Variants in BANK1 observed in about 807,000 individuals in gnomAD.
The protein encoded by BANK1 is B cell scaffold protein with ankyrin repeats 1.
Under a neutral mutation model 94.5 loss-of-function variants are expected in BANK1, and 95 were observed. The ratio of observed to expected loss-of-function variants is 1.00; its 90% CI spans 0.85 to 1.19. BANK1 has a LOEUF of 1.19. BANK1 is among the 50% of genes most tolerant of loss of function. BANK1 has a pLI of 0.00. For missense variants in BANK1, 987 were observed against 932.2 expected, an observed-to-expected ratio of 1.06 and a Z score of -0.77; for synonymous variants, 334 against 308.4, an observed-to-expected ratio of 1.08 and a Z score of -0.87.
intron 7 of BANK1, among the ~76,000 whole-genome samples, chr4:102,007,986 A>G (rs977871001): frequency 1.3e-5 from 2 of 152,212 alleles, no homozygotes; most frequent in African/African-American, 4.8e-5. Context: ...ATTTTCATTT[A>G]TAGAGTAGAA....
intron 1 of BANK1, among the ~76,000 whole-genome samples, chr4:101,816,912 A>G (rs1319146646): frequency 6.6e-6 from 1 of 152,182 alleles, no homozygotes; most frequent in Non-Finnish European, 1.5e-5. Flanking sequence ...AAAGGAGTCA[A>G]CGGAAGAATA....
intron 10 of BANK1, among the ~76,000 whole-genome samples, chr4:102,042,411 A>G (rs1229392868): frequency 6.6e-6 from 1 of 152,012 alleles, no homozygotes; most frequent in African/African-American, 2.4e-5. Context: ...TTATGTGTAT[A>G]CTTTTTCTCA....
intron 1 of BANK1, 34 bp from the exon 2 acceptor site, chr4:101,829,774 T>G: frequency 7.2e-7 from 1 of 1,388,526 alleles, no homozygotes; most frequent in Non-Finnish European, 9.7e-7. Context: ...CTGATAGCAT[T>G]GCAAATATAA....
chr4:101,948,970 A>G (rs904488109), intron 7 of BANK1, among the ~76,000 whole-genome samples: 1 of 152,020 alleles, frequency 6.6e-6, no homozygotes, highest in African/African-American at 2.4e-5. Context: ...ACCTTAAAAT[A>G]TTGTTTATTC....
chr4:102,002,056 G>T (rs1726096406), intron 7 of BANK1, among the ~76,000 whole-genome samples: 1 of 152,136 alleles, frequency 6.6e-6, no homozygotes, highest in African/African-American at 2.4e-5. Flanking sequence ...CATGTTTTTG[G>T]CTTCATGCCA....
chr4:101,979,807 G>T (rs1012033047), intron 7 of BANK1, among the ~76,000 whole-genome samples: 1 of 151,824 alleles, frequency 6.6e-6, no homozygotes, highest in African/African-American at 2.4e-5. Flanking sequence ...AATTAATGAA[G>T]ATTAGTGCCC....
intron 11 of BANK1, among the ~76,000 whole-genome samples, chr4:102,052,904 A>G (rs10516490): frequency 0.3 from 45,838 of 152,126 alleles, 8,037 homozygotes; most frequent in South Asian, 0.44. Flanking sequence ...TGTGAAAGAC[A>G]TTTTAGATGA....
chr4:101,868,802 C>T (rs1036496345), intron 4 of BANK1, among the ~76,000 whole-genome samples: 1 of 151,786 alleles, frequency 6.6e-6, no homozygotes, highest in Non-Finnish European at 1.5e-5. Context: ...CTGAGGGGGC[C>T]TTCCAACCAG....
At chr4:102,022,433 G>A (rs1474226274) in intron 8 of BANK1, among the ~76,000 whole-genome samples, 3 of 152,022 alleles carry the variant, frequency 2.0e-5, no homozygotes, top group Non-Finnish European at 4.4e-5. Flanking sequence ...CCAGCATTCA[G>A]CCATTTCTCT....
intron 1 of BANK1, among the ~76,000 whole-genome samples, chr4:101,807,953 C>T (rs1396833619): frequency 3.3e-5 from 5 of 151,668 alleles, no homozygotes; most frequent in East Asian, 1.9e-4. Context: ...GCTGTGGTGG[C>T]GCACACCTGT....
At position 101,917,955 on chromosome 4, in the gene BANK1, A is replaced by T. The variant is rs745384136; in HGVS notation, c.1010-38A>T. 5 of 1,445,612 alleles carry T rather than the reference A, an allele frequency of 3.5e-6. No homozygotes were observed. The South Asian group carries it at 6.7e-5, about 19-fold the overall frequency. 89.5% of individuals were successfully genotyped at this position (1,445,612 alleles called of 1,614,324 possible). A position where few individuals can be genotyped will look rare whatever the true frequency, so the allele number is the denominator to read the frequency against. ...ACCTTTTAATGAGATTGCCAATAAA[A>T]TGAAAACATTAAATCCTACTACTTC... On this transcript the variant is annotated intron_variant, in intron 6 of 16. Transcript: ENST00000322953.
intron 7 of BANK1, among the ~76,000 whole-genome samples, chr4:101,988,061 A>G (rs905433261): frequency 1.8e-4 from 28 of 152,220 alleles, no homozygotes; most frequent in African/African-American, 5.8e-4. Context: ...TGAGCAAGGA[A>G]TAAATACTTC....
At chr4:101,846,199 G>C (rs1727237160) in intron 2 of BANK1, among the ~76,000 whole-genome samples, 1 of 152,130 alleles carries the variant, frequency 6.6e-6, no homozygotes, top group Non-Finnish European at 1.5e-5. Flanking sequence ...TGATAGACTG[G>C]ATTAAGAAAA....
At chr4:101,940,750 T>TATCAC (rs1723714722) in intron 7 of BANK1, among the ~76,000 whole-genome samples, 1 of 151,796 alleles carries the variant, frequency 6.6e-6, no homozygotes, top group African/African-American at 2.4e-5. Context: ...GGACCATTCT[T>TATCAC]ATCACATCAC....
intron 7 of BANK1, among the ~76,000 whole-genome samples, chr4:101,955,173 A>T (rs1366309158): frequency 6.6e-6 from 1 of 152,140 alleles, no homozygotes; most frequent in Non-Finnish European, 1.5e-5. Context: ...AGCACATTAG[A>T]CCAAGCGAGC....
chr4:101,796,479 C>A (rs1725160248), intron 1 of BANK1, among the ~76,000 whole-genome samples: 1 of 152,136 alleles, frequency 6.6e-6, no homozygotes, highest in Non-Finnish European at 1.5e-5. Context: ...GAAATCTGTT[C>A]CTTTCATGCA....
intron 7 of BANK1, among the ~76,000 whole-genome samples, chr4:102,018,291 A>G (rs963097622): frequency 2.6e-5 from 4 of 152,228 alleles, no homozygotes; most frequent in African/African-American, 9.6e-5. Context: ...CTCTTCAAAC[A>G]TATATTTGTC....
intron 7 of BANK1, chr4:101,972,688 T>C (rs754554152): frequency 2.6e-5 from 4 of 152,094 alleles, no homozygotes; most frequent in Non-Finnish European, 5.9e-5. Flanking sequence ...GTCATATCTA[T>C]TCCCCAGATA....
chr4:101,821,115 A>G (rs1726128944), intron 1 of BANK1, among the ~76,000 whole-genome samples: 1 of 152,064 alleles, frequency 6.6e-6, no homozygotes, highest in African/African-American at 2.4e-5. Flanking sequence ...AGCATCTGTT[A>G]TTTTTTGACT....
Sources: gnomAD v4.1 joint callset for allele counts (sites outside exome capture counted in the v4.1 genomes callset) on GRCh38, gnomAD v4.1.1 for gene constraint, MANE v1.5 for transcripts, NCBI Gene and HGNC (gene_info 2026-07-23, HGNC 2026-07-21) for gene names.